The following DGKQ variants were observed in gnomAD, a reference collection of about 807,000 sequenced individuals.
DGKQ encodes diacylglycerol kinase theta, also known as DAG kinase theta.
In DGKQ, 97 loss-of-function variants were observed where a neutral mutation model predicts 104.2. The observed-to-expected ratio is 0.93, with a 90% confidence interval of 0.79 to 1.10. The LOEUF (loss-of-function observed/expected upper bound fraction) is 1.10. Among genes scored for constraint, DGKQ ranks in the 50% least tolerant of loss-of-function variants. DGKQ has a pLI of 0.00. For missense variants in DGKQ, 1,465 were observed against 1,352.1 expected, an observed-to-expected ratio of 1.08 and a Z score of -1.31; for synonymous variants, 736 against 595.2, an observed-to-expected ratio of 1.24 and a Z score of -3.44.
At chr4:962,208 G>A (rs1342661292) in intron 18 of DGKQ, 126 bp from the exon 19 acceptor site, 10 of 936,186 alleles carry the variant, frequency 1.1e-5, no homozygotes, top group South Asian at 1.1e-4. Flanking sequence ...CGAGCACCCA[G>A]GAGAGGGCAG....
In DGKQ at chr4:963,278, G is replaced by C. The variant is rs1283142843; in HGVS notation, c.1747C>G (p.Pro583Ala). The C allele has an allele frequency of 6.2e-7, 1 of 1,602,152 alleles. No individual in the cohort carries two copies. Among genetic ancestry groups the C allele is most frequent in the Non-Finnish European group, 8.5e-7 (1 of 1,171,320 alleles). Residue 583 changes from proline (P) to alanine (A), a missense_variant, in exon 16 of 23, where the codon CCC becomes GCC. Physicochemically the swap from Pro to Ala is conservative, Grantham distance 27. Coordinates refer to ENST00000273814, the MANE Select transcript of DGKQ (RefSeq NM_001347.4). Reference protein sequence around the residue: ...VLPDLLHAKLPPDSCPLLVFV... With the variant: ...VLPDLLHAKLAPDSCPLLVFV... ...ACAAGGAGGGGACAGCTGTCTGGGG[G>C]CAGCTTCGCGTGCTGACAGACAGGG...
chr4:967,389 A>C (rs1472092939), intron 8 of DGKQ, 28 bp from the exon 9 acceptor site: 2 of 900,868 alleles, frequency 2.2e-6, no homozygotes, highest in Admixed American at 5.5e-5. Context: ...AGAGGGGCCA[A>C]GTTGTGGGGG....
chr4:973,185 G>A (rs930826572), intron 1 of DGKQ, 27 bp downstream of exon 1: 1 of 1,521,834 alleles, frequency 6.6e-7, no homozygotes, highest in Non-Finnish European at 8.8e-7. Context: ...GGCTGCAGCC[G>A]GGTAGGCATC....
chr4:967,544 C>T lies in DGKQ; in HGVS notation c.987+5G>A, dbSNP rs760956131. On this transcript the variant is annotated splice_donor_5th_base_variant and intron_variant, in intron 8 of 22. Coordinates refer to ENST00000273814, the MANE Select transcript of DGKQ (RefSeq NM_001347.4). ...GGCTCAGACCTCCCCCAGCCTCCCC[C>T]TTACCAGCACCTCCTCGGCACCGGC... 9 of 1,612,016 alleles carry T rather than the reference C, an allele frequency of 5.6e-6. No individual in the cohort carries two copies. The highest frequency in any genetic ancestry group is 2.2e-5 in the East Asian group (1 of 44,868).
intron 15 of DGKQ, 113 bp from the exon 16 acceptor site, chr4:963,403 C>G: frequency 2.0e-6 from 2 of 988,672 alleles, no homozygotes; most frequent in South Asian, 3.4e-5. Context: ...CTTGGACCAG[C>G]CCCCTCCCCA....
Position 968,391 on chromosome 4 carries a change from T to G in DGKQ, c.554A>C (p.His185Pro), listed in dbSNP as rs1712636463. Reference protein sequence around the residue: ...GHQDHDTHHHHWREGNLPSGA... With the variant: ...GHQDHDTHHHPWREGNLPSGA... The stretch of plus-strand genomic sequence containing the variant: ...CGAGGGCAGGTTCCCCTCCCGCCAG[T>G]GGTGGTGATGGGTGTCCTGCAGAGC... Residue 185 changes from histidine (H) to proline (P), a missense_variant, in exon 5 of 23, where the codon CAC becomes CCC. Physicochemically the swap from His to Pro is moderately conservative, Grantham distance 77 (BLOSUM62 -2). Transcript: ENST00000273814. 1.3e-6 allele frequency: 2 copies of G among 1,572,644 alleles called. No homozygotes were observed. Among genetic ancestry groups the G allele is most frequent in the South Asian group, 2.3e-5 (2 of 86,388 alleles).
At position 971,027 on chromosome 4, in the gene DGKQ, A is replaced by C; in HGVS notation, c.317T>G (p.Ile106Ser). 1 of 1,556,008 alleles carries C rather than the reference A, an allele frequency of 6.4e-7. No homozygotes were observed. The highest frequency in any genetic ancestry group is 8.7e-7 in the Non-Finnish European group (1 of 1,149,518). ...SHEKCLKHVR[I>S]PCTSVAPSLV... ...GCTGGGTGCCACACTCGTGCACGGG[A>C]TCCTCACGTGCTTCAGGCACTTCTC... Residue 106 changes from isoleucine (I) to serine (S), a missense_variant, in exon 2 of 23, where the codon ATC becomes AGC. Transcript: ENST00000273814. This position sits in a 1 kb window ranked among gnomAD's most constrained non-coding sequence, Gnocchi z 4.0.
At chr4:964,401 G>T (rs1712130435) in intron 15 of DGKQ, among the ~76,000 whole-genome samples, 1 of 152,224 alleles carries the variant, frequency 6.6e-6, no homozygotes, top group African/African-American at 2.4e-5. Context: ...CCCTTTGGGG[G>T]CTAGATGGGC....
chr4:961,319 C>A, intron 21 of DGKQ, 118 bp from the exon 22 acceptor site: 1 of 1,268,074 alleles, frequency 7.9e-7, no homozygotes, highest in Non-Finnish European at 1.1e-6. Context: ...CTGGACCTGG[C>A]CCTGGGGCGG....
In DGKQ at chr4:967,296, G is replaced by T; in HGVS notation, c.1053C>A (p.Pro351=). ...AGGCGTCACAGGCCTGAGAGGAAGG[G>T]GGCAGCCGGCACAGCTCCAGGTGGC... ...DPGHLELCRL[P]PSSQACDAWA... Residue 351 remains proline (P), a synonymous_variant, in exon 9 of 23, where the codon CCC becomes CCA. Coordinates refer to ENST00000273814, the MANE Select transcript of DGKQ (RefSeq NM_001347.4). The T allele has an allele frequency of 1.3e-6, 2 of 1,543,760 alleles. No homozygotes were observed. The highest frequency in any genetic ancestry group is 8.7e-7 in the Non-Finnish European group (1 of 1,149,472).
At chr4:966,725 C>A in intron 11 of DGKQ, 23 bp downstream of exon 11, 1 of 1,600,800 alleles carries the variant, frequency 6.2e-7, no homozygotes, top group Non-Finnish European at 8.5e-7. Context: ...GACCGCCACG[C>A]CCAGCACGGG....
chr4:968,369 G>GGGCAGGTTCCCCTCCCGCC lies in DGKQ; in HGVS notation c.557_575dup (p.Ser193AlafsTer22). ...TGCAGACCTCGCAGCGCGCTCCCGA[G>GGGCAGGTTCCCCTCCCGCC]GGCAGGTTCCCCTCCCGCCAGTGGT... On this transcript the variant is annotated frameshift_variant, in exon 5 of 23. Transcript: ENST00000273814. LOFTEE classifies it high-confidence loss of function. 1 of 1,542,762 alleles carries GGGCAGGTTCCCCTCCCGCC rather than the reference G, an allele frequency of 6.5e-7. No homozygotes were observed. The highest frequency in any genetic ancestry group is 8.7e-7 in the Non-Finnish European group (1 of 1,147,026).
intron 2 of DGKQ, among the ~76,000 whole-genome samples, 186 bp from the exon 3 acceptor site, chr4:969,096 T>C (rs1244141507): frequency 6.6e-6 from 1 of 151,954 alleles, no homozygotes; most frequent in Non-Finnish European, 1.5e-5. Flanking sequence ...ACAGCCTGGC[T>C]GGTCAAAAGC....
At chr4:969,157 G>A (rs949421470) in intron 2 of DGKQ, among the ~76,000 whole-genome samples, 23 of 152,052 alleles carry the variant, frequency 1.5e-4, no homozygotes, top group Non-Finnish European at 3.4e-4. Context: ...GCAGGGGAGC[G>A]AGGCCCCAGG....
At position 967,758 on chromosome 4, in the gene DGKQ, C is replaced by A. The variant is rs745672943; in HGVS notation, c.856G>T (p.Gly286Cys). 1.1e-4 allele frequency: 178 copies of A among 1,609,910 alleles called. No individual in the cohort carries two copies. Among genetic ancestry groups the A allele is most frequent in the Non-Finnish European group, 1.4e-4 (167 of 1,178,678 alleles). ...TCCGGAGTTGCCTGTGTCTCTCTGCCTGGACCCACGGCAGCGCTCCCGTCG... is the reference window on the plus strand; with the variant it reads ...TCCGGAGTTGCCTGTGTCTCTCTGCATGGACCCACGGCAGCGCTCCCGTCG... ...GADGSAAVGP[G>C]RETQATPESG... The change falls in exon 7 of 23, where the codon GGC becomes TGC. Residue 286 changes from glycine (G) to cysteine (C), a missense_variant. Gly to Cys is a radical substitution (Grantham distance 159). Transcript: ENST00000273814.
chr4:963,778 C>T (rs984007637), intron 15 of DGKQ, among the ~76,000 whole-genome samples: 1 of 152,218 alleles, frequency 6.6e-6, no homozygotes, highest in Middle Eastern at 3.2e-3. Flanking sequence ...TGGCACGCGG[C>T]GTCCCTCGAC....
At chr4:961,896 C>G (rs931855048) in intron 19 of DGKQ, 62 bp from the exon 20 acceptor site, 1 of 1,602,458 alleles carries the variant, frequency 6.2e-7, no homozygotes, top group Non-Finnish European at 8.5e-7. Context: ...AGGCAGCCTC[C>G]GGGTTCCGGC....
Position 963,223 on chromosome 4 carries a change from T to C in DGKQ, c.1802A>G (p.Lys601Arg). ...GAAGCTGCAGAGCAGGTCTCGGCCC[T>C]TGAGGCCTCCACTCTTGGGGTTCAC... ...VFVNPKSGGLKGRDLLCSFRK... is the reference protein window; with the variant it reads ...VFVNPKSGGLRGRDLLCSFRK... The change falls in exon 16 of 23, where the codon AAG becomes AGG. Residue 601 changes from lysine to arginine, a missense_variant. Physicochemically the swap from Lys to Arg is conservative, Grantham distance 26. Coordinates refer to ENST00000273814, the MANE Select transcript of DGKQ (RefSeq NM_001347.4). 1 of 1,611,666 alleles carries C rather than the reference T, an allele frequency of 6.2e-7. No homozygotes were observed. The highest frequency in any genetic ancestry group is 8.5e-7 in the Non-Finnish European group (1 of 1,178,986).
chr4:965,229 C>T lies in DGKQ; in HGVS notation c.1681G>A (p.Asp561Asn). ...EAERLYMLLK[D>N]MAVRGRLLTA... ...AGCAGCCGGCCCCGCACAGCCATGT[C>T]CTTCAGCAGCATGTACAGCCGCTCG... Residue 561 changes from aspartate to asparagine, a missense_variant, in exon 15 of 23, where the codon GAC becomes AAC. Asp to Asn is a conservative substitution (Grantham distance 23). Transcript: ENST00000273814. The T allele has an allele frequency of 6.2e-7, 1 of 1,612,746 alleles. No homozygotes were observed.
Sources: gnomAD v4.1 joint callset for allele counts (sites outside exome capture counted in the v4.1 genomes callset) on GRCh38, gnomAD v4.1.1 for gene constraint, Gnocchi (gnomAD v3.1) non-coding constraint, MANE v1.5 for transcripts, NCBI Gene and HGNC (gene_info 2026-07-23, HGNC 2026-07-21) for gene names.